The following PTPRD variants were observed in gnomAD, a reference collection of about 807,000 sequenced individuals.
The protein encoded by PTPRD is receptor-type tyrosine-protein phosphatase delta.
A neutral mutation model predicts 214.5 loss-of-function variants in PTPRD; 34 were observed. The observed-to-expected ratio is 0.16, with a 90% CI of 0.12 to 0.21. The LOEUF (loss-of-function observed/expected upper bound fraction) is 0.21, where lower values mean the gene tolerates loss of function less well. Ranked by LOEUF, PTPRD falls within the 10% of genes least tolerant of loss-of-function variation. The pLI is 1.00. For synonymous variants in PTPRD, 1,128 were observed against 845.7 expected (o/e 1.33, Z -5.79); for missense variants, 2,545 against 2,398.7 (o/e 1.06, Z -1.27).
chr9:9,274,854 T>C (rs1377913039), intron 9 of PTPRD, among the ~76,000 whole-genome samples: 2 of 149,364 alleles, frequency 1.3e-5, no homozygotes, highest in Non-Finnish European at 3.0e-5. Flanking sequence ...GATATTCATA[T>C]AGGTTTAGAT....
chr9:8,586,027 A>G (rs72696689), intron 14 of PTPRD, among the ~76,000 whole-genome samples: 1 of 146,812 alleles, frequency 6.8e-6, no homozygotes, highest in Non-Finnish European at 1.5e-5. Flanking sequence ...ATAGGCCAGG[A>G]GCAGTGGCTC....
chr9:8,844,414 T>A (rs1402054067), intron 11 of PTPRD, among the ~76,000 whole-genome samples: 1 of 152,220 alleles, frequency 6.6e-6, no homozygotes, highest in Non-Finnish European at 1.5e-5. Context: ...TTACATTCCT[T>A]TTACTAAGCA....
chr9:8,808,200 G>C (rs189635018), intron 11 of PTPRD, among the ~76,000 whole-genome samples: 15 of 152,240 alleles, frequency 9.9e-5, no homozygotes, highest in Non-Finnish European at 2.1e-4. Context: ...ATGAGTCAAG[G>C]ATGCCACCAT....
At chr9:10,571,673 T>G (rs2067483144) in intron 2 of PTPRD, among the ~76,000 whole-genome samples, 1 of 152,186 alleles carries the variant, frequency 6.6e-6, no homozygotes, top group African/African-American at 2.4e-5. Context: ...CAAACCGTTT[T>G]CAGCACCAGG....
intron 5 of PTPRD, among the ~76,000 whole-genome samples, chr9:9,788,347 C>G (rs866083789): frequency 6.6e-6 from 1 of 150,834 alleles, no homozygotes; most frequent in South Asian, 2.1e-4. Flanking sequence ...GTCAGGAGAT[C>G]GAGACCATCC....
At chr9:8,884,225 G>T (rs1457893149) in intron 11 of PTPRD, among the ~76,000 whole-genome samples, 1 of 152,196 alleles carries the variant, frequency 6.6e-6, no homozygotes, top group Non-Finnish European at 1.5e-5. Context: ...TGTCATGGCA[G>T]GTTAAACATT....
At chr9:10,292,772 GT>G (rs369154679) in intron 3 of PTPRD, among the ~76,000 whole-genome samples, 4 of 149,138 alleles carry the variant, frequency 2.7e-5, no homozygotes, top group South Asian at 2.1e-4. Context: ...GGATTTTTCT[GT>G]TTTTTTTTCC....
At chr9:10,502,512 A>G (rs1242445728) in intron 2 of PTPRD, among the ~76,000 whole-genome samples, 2 of 152,026 alleles carry the variant, frequency 1.3e-5, no homozygotes, top group Admixed American at 6.5e-5. Context: ...TCACCCAACT[A>G]TTTGATTAAA....
chr9:10,476,209 T>C (rs1415431810), intron 2 of PTPRD, among the ~76,000 whole-genome samples: 3 of 152,148 alleles, frequency 2.0e-5, no homozygotes, highest in Non-Finnish European at 4.4e-5. Flanking sequence ...TGTTTGCAGA[T>C]GACATGATTG....
chr9:9,698,901 C>G (rs2097434752), intron 7 of PTPRD, among the ~76,000 whole-genome samples: 1 of 152,130 alleles, frequency 6.6e-6, no homozygotes, highest in African/African-American at 2.4e-5. Context: ...TCTCTGTAGC[C>G]TCAGATGCTG....
In PTPRD at chr9:10,187,625, T is replaced by A. The variant is rs138103255; in HGVS notation, c.-545+153338A>T. Among the ~76,000 whole-genome samples, 152 of 152,318 alleles carry A rather than the reference T, an allele frequency of 1.0e-3. 2 individuals carry two copies. The highest frequency in any genetic ancestry group is 3.3e-3 in the African/African-American group (139 of 41,582). On this transcript the variant is annotated intron_variant, in intron 3 of 45. Transcript: ENST00000381196. ...AATAAAGACAGTAGGTACATCGCTC[T>A]CCAATACTGAAACTTTTCTCCCTTC...
chr9:9,227,785 G>C (rs557114848), intron 9 of PTPRD, among the ~76,000 whole-genome samples: 1 of 152,096 alleles, frequency 6.6e-6, no homozygotes, highest in Non-Finnish European at 1.5e-5. Context: ...CCATGTGAAT[G>C]AGCCATCTTG....
chr9:9,539,637 G>GTGA (rs2077186265), intron 8 of PTPRD, among the ~76,000 whole-genome samples: 1 of 151,796 alleles, frequency 6.6e-6, no homozygotes, highest in African/African-American at 2.4e-5. Flanking sequence ...CATTTTAAAA[G>GTGA]TGATGGATAA....
intron 10 of PTPRD, among the ~76,000 whole-genome samples, chr9:9,170,852 A>G (rs1414108164): frequency 6.6e-6 from 1 of 152,144 alleles, no homozygotes; most frequent in Admixed American, 6.6e-5. Context: ...CTGGAGAATG[A>G]GAGTAGGAGG....
At chr9:8,551,324 T>C (rs2140779355) in intron 14 of PTPRD, among the ~76,000 whole-genome samples, 1 of 152,318 alleles carries the variant, frequency 6.6e-6, no homozygotes, top group South Asian at 2.1e-4. Flanking sequence ...AACAGACATT[T>C]AATATGAAAG....
Position 10,173,067 on chromosome 9 carries a change from G to C in PTPRD, c.-544-139277C>G, listed in dbSNP as rs78206649. Among the ~76,000 whole-genome samples, 197 of 152,234 alleles carry C rather than the reference G, an allele frequency of 1.3e-3. 1 individual carries two copies. Among genetic ancestry groups the C allele is most frequent in the African/African-American group, 4.3e-3 (179 of 41,550 alleles). ...TACCTAACAAATAATTCATATTACA[G>C]AATAGAATGTGGCCATTTTTTATCT... On this transcript the variant is annotated intron_variant, in intron 3 of 45. Transcript: ENST00000381196.
Position 8,970,411 on chromosome 9 carries a change from T to A in PTPRD, c.-104+48286A>T, listed in dbSNP as rs566530930. On this transcript the variant is annotated intron_variant, in intron 11 of 45. Coordinates refer to ENST00000381196, the MANE Select transcript of PTPRD (RefSeq NM_002839.4). ...ACTTGGTCTTGACTTGTGAAAAAAT[T>A]CTGCAAAACCAAAGAAAGAGTCCAT... Among the ~76,000 whole-genome samples the A allele has an allele frequency of 3.3e-5, 5 of 151,924 alleles. No homozygotes were observed. In the South Asian group the frequency reaches 1.0e-3, roughly 32 times the overall value.
intron 3 of PTPRD, among the ~76,000 whole-genome samples, chr9:10,311,084 T>G (rs77157218): frequency 1.3e-5 from 2 of 150,018 alleles, no homozygotes; most frequent in African/African-American, 2.4e-5. Context: ...TATATACCGA[T>G]TTTTTTTTTA....
chr9:8,785,941 T>C lies in PTPRD; in HGVS notation c.-103-51995A>G, dbSNP rs149688562. Among the ~76,000 whole-genome samples the C allele has an allele frequency of 2.3e-3, 349 of 152,298 alleles. 13 individuals are homozygous for C. In the East Asian group the frequency reaches 0.062, roughly 27 times the overall value. On this transcript the variant is annotated intron_variant, in intron 11 of 45. Transcript: ENST00000381196. ...AAAGCAAAATCTTTTTCCTTTATAA[T>C]GTGCACTTTAGATGGCCCAACAGAA...
Sources: allele counts gnomAD v4.1 joint callset (sites outside exome capture counted in the v4.1 genomes callset), GRCh38; gene constraint gnomAD v4.1.1; transcripts MANE v1.5; gene names NCBI Gene and HGNC (gene_info 2026-07-23, HGNC 2026-07-21).